CCDC33: variants seen among roughly 807,000 people sequenced by gnomAD.
CCDC33 encodes coiled-coil domain-containing protein 33.
CCDC33 carries 94 observed loss-of-function variants against 91.9 expected under a neutral mutation model. The ratio of observed to expected loss-of-function variants is 1.02; its 90% CI spans 0.87 to 1.21. CCDC33 has a LOEUF of 1.21. CCDC33 is among the 50% of genes most tolerant of loss of function. The probability of loss-of-function intolerance (pLI) is 0.00; values close to 1 mark genes in which losing one functional copy is unlikely to be tolerated. For missense variants in CCDC33, 940 were observed against 935.5 expected (o/e 1.00, Z -0.06); for synonymous variants, 396 against 374.5 (o/e 1.06, Z -0.66).
At chr15:74,278,675 G>A (rs2076512810) in intron 7 of CCDC33, among the ~76,000 whole-genome samples, 1 of 152,346 alleles carries the variant, frequency 6.6e-6, no homozygotes, top group South Asian at 2.1e-4. Flanking sequence ...CCATCCTGAA[G>A]ACCTTTATCC....
At chr15:74,246,301 A>T (rs2075528275) in intron 2 of CCDC33, among the ~76,000 whole-genome samples, 1 of 152,234 alleles carries the variant, frequency 6.6e-6, no homozygotes, top group Admixed American at 6.5e-5. Context: ...AGTACAGGCA[A>T]CAGAATCAAA....
chr15:74,333,025 T>A, intron 16 of CCDC33, 180 bp downstream of exon 16: 1 of 773,116 alleles, frequency 1.3e-6, no homozygotes, highest in South Asian at 1.8e-5. Flanking sequence ...GGAATGTGTG[T>A]CCCCGAACAC....
chr15:74,222,725 G>A (rs1047427839), intron 2 of CCDC33, among the ~76,000 whole-genome samples: 3 of 151,622 alleles, frequency 2.0e-5, no homozygotes, highest in African/African-American at 7.3e-5. Context: ...AAAGGAGAGC[G>A]GCCACGGAGC....
intron 1 of CCDC33, 25 bp downstream of exon 1, chr15:74,236,765 C>T: frequency 6.2e-7 from 1 of 1,612,342 alleles, no homozygotes; most frequent in South Asian, 1.1e-5. Context: ...ATGGGCCATG[C>T]ACCTGCATGA....
At chr15:74,255,567 T>G (rs1442319791) in intron 2 of CCDC33, among the ~76,000 whole-genome samples, 1 of 152,270 alleles carries the variant, frequency 6.6e-6, no homozygotes, top group Non-Finnish European at 1.5e-5. Context: ...GGTGTGCTCC[T>G]GCGGTGCCCT....
At chr15:74,215,886 A>AAAAGAAAG (rs1295954055), upstream of CCDC33, among the ~76,000 whole-genome samples, 656 of 113,900 alleles carry the variant, frequency 5.8e-3, 4 homozygotes, top group African/African-American at 0.018. Flanking sequence ...AAAAAAAAAA[A>AAAAGAAAG]AAAGAAAGAA....
intron 9 of CCDC33, among the ~76,000 whole-genome samples, chr15:74,281,462 A>G (rs2059361990): frequency 6.6e-6 from 1 of 152,262 alleles, no homozygotes; most frequent in Non-Finnish European, 1.5e-5. Context: ...TAATATCGTT[A>G]CCATCATTCT....
At chr15:74,280,367 G>A (rs1233912091) in intron 8 of CCDC33, among the ~76,000 whole-genome samples, 4 of 152,334 alleles carry the variant, frequency 2.6e-5, no homozygotes, top group African/African-American at 9.6e-5. Context: ...AACTCACAGA[G>A]AGGGGTGAGG....
intron 11 of CCDC33, chr15:74,303,899 C>T (rs1207438011): frequency 6.6e-6 from 1 of 152,362 alleles, no homozygotes; most frequent in Non-Finnish European, 1.5e-5. Context: ...TGTCCCTCCC[C>T]CAACTCTGAC....
At chr15:74,314,389 G>A (rs1233673857) in intron 11 of CCDC33, among the ~76,000 whole-genome samples, 7 of 152,208 alleles carry the variant, frequency 4.6e-5, no homozygotes, top group Non-Finnish European at 1.0e-4. Flanking sequence ...CCTGGGTGGG[G>A]GAAAGGCAGT....
intron 2 of CCDC33, among the ~76,000 whole-genome samples, chr15:74,247,701 T>C (rs1014550309): frequency 6.6e-6 from 1 of 151,998 alleles, no homozygotes; most frequent in Admixed American, 6.6e-5. Flanking sequence ...AATGAGGAAA[T>C]GTTGGCCAAA....
intron 5 of CCDC33, 88 bp downstream of exon 5, chr15:74,268,546 T>G (rs2076233749): frequency 5.0e-6 from 5 of 998,994 alleles, no homozygotes; most frequent in Non-Finnish European, 6.3e-6. Flanking sequence ...CTTAGCCCCC[T>G]CTGGCTGACC....
upstream of CCDC33, among the ~76,000 whole-genome samples, chr15:74,233,451 T>A (rs2075048474): frequency 6.6e-6 from 1 of 152,240 alleles, no homozygotes; most frequent in African/African-American, 2.4e-5. Flanking sequence ...GGCCAGGACC[T>A]TCGAGGGCTG....
At chr15:74,209,317 C>T in intron 1 of CCDC33, 2 of 1,487,946 alleles carry the variant, frequency 1.3e-6, no homozygotes, top group South Asian at 2.4e-5. Context: ...GCTGAGTTTC[C>T]CCAGATGTGG....
chr15:74,223,080 A>G (rs1446716084), intron 2 of CCDC33, among the ~76,000 whole-genome samples: 1 of 152,082 alleles, frequency 6.6e-6, no homozygotes, highest in African/African-American at 2.4e-5. Context: ...TCAGGGGTGC[A>G]GCACGGGGGT....
chr15:74,239,962 G>A (rs1181797947), intron 1 of CCDC33, among the ~76,000 whole-genome samples: 1 of 152,218 alleles, frequency 6.6e-6, no homozygotes, highest in Non-Finnish European at 1.5e-5. Flanking sequence ...TCTGATGCAG[G>A]ACATCTCTGA....
intron 2 of CCDC33, among the ~76,000 whole-genome samples, chr15:74,210,436 A>G (rs945544226): frequency 6.6e-6 from 1 of 152,230 alleles, no homozygotes; most frequent in Non-Finnish European, 1.5e-5. Context: ...GTTGCTGAAC[A>G]ATACATAAAT....
At chr15:74,315,656 A>T (rs1452884542) in intron 11 of CCDC33, among the ~76,000 whole-genome samples, 2 of 152,192 alleles carry the variant, frequency 1.3e-5, no homozygotes, top group Non-Finnish European at 2.9e-5. Flanking sequence ...TTTTGTTAGG[A>T]GGTGGGCTTT....
intron 11 of CCDC33, among the ~76,000 whole-genome samples, chr15:74,326,220 G>A (rs1273780863): frequency 6.6e-6 from 1 of 152,226 alleles, no homozygotes; most frequent in Non-Finnish European, 1.5e-5. Context: ...AGCTACTTGG[G>A]AGGCTGAGTC....
Sources: allele counts gnomAD v4.1 joint callset (sites outside exome capture counted in the v4.1 genomes callset), GRCh38; gene constraint gnomAD v4.1.1; transcripts MANE v1.5; gene names NCBI Gene and HGNC (gene_info 2026-07-23, HGNC 2026-07-21).